AP4E1: variants seen among roughly 807,000 people sequenced by gnomAD.
AP4E1 encodes adaptor related protein complex 4 subunit epsilon 1, also known as AP-4 complex subunit epsilon-1.
A neutral mutation model predicts 128.2 loss-of-function variants in AP4E1; 56 were observed. The ratio of observed to expected loss-of-function variants is 0.44; its 90% CI spans 0.35 to 0.55. The LOEUF (loss-of-function observed/expected upper bound fraction) is 0.55, where lower values mean the gene tolerates loss of function less well. Among genes scored for constraint, AP4E1 ranks in the 20% least tolerant of loss-of-function variants. The pLI is 0.00. For synonymous variants in AP4E1, 484 were observed against 473.1 expected (o/e 1.02, Z -0.30); for missense variants, 1,324 against 1,307.7 (o/e 1.01, Z -0.19).
chr15:50,928,939 C>T, intron 5 of AP4E1, 70 bp from the exon 6 acceptor site: 1 of 1,450,382 alleles, frequency 6.9e-7, no homozygotes, highest in Non-Finnish European at 9.6e-7. Flanking sequence ...AATCATCTGG[C>T]CTATAATCTT....
chr15:50,949,728 C>T (rs1250474938), intron 11 of AP4E1, 98 bp from the exon 12 acceptor site: 1 of 929,362 alleles, frequency 1.1e-6, no homozygotes, highest in Non-Finnish European at 1.7e-6. Flanking sequence ...AACTGCCATA[C>T]TAGGATGAAT....
intron 15 of AP4E1, among the ~76,000 whole-genome samples, chr15:50,981,249 T>G (rs1431142426): frequency 6.6e-6 from 1 of 152,206 alleles, no homozygotes; most frequent in African/African-American, 2.4e-5. Flanking sequence ...GCCTTGAGTG[T>G]CCAACTCCTG....
chr15:50,969,046 G>A (rs2064439028), intron 15 of AP4E1, among the ~76,000 whole-genome samples: 1 of 151,070 alleles, frequency 6.6e-6, no homozygotes, highest in Non-Finnish European at 1.5e-5. Flanking sequence ...GGGTACAAGT[G>A]CAGGTTTGTT....
chr15:50,961,135 A>G (rs578143559), intron 14 of AP4E1, among the ~76,000 whole-genome samples: 2 of 152,058 alleles, frequency 1.3e-5, no homozygotes, highest in Non-Finnish European at 2.9e-5. Flanking sequence ...CCAACAGAGA[A>G]AAGCTTACAA....
rs1060504800 is a variant in AP4E1 at position 50,915,516 on chromosome 15, C to T, written c.291C>T (p.Gly97=). ...CEMLGYDASF[G]YIHAIKLAQQ... ...TGCTTGGATATGATGCTTCCTTTGGCTATATTCATGCAATCAAGTTAGCCC... is the reference window on the plus strand; with the variant it reads ...TGCTTGGATATGATGCTTCCTTTGGTTATATTCATGCAATCAAGTTAGCCC... Residue 97 remains glycine, a synonymous_variant, in exon 3 of 21, where the codon GGC becomes GGT. Coordinates refer to ENST00000261842, the MANE Select transcript of AP4E1 (RefSeq NM_007347.5). 1 of 1,613,546 alleles carries T rather than the reference C, an allele frequency of 6.2e-7. No individual in the cohort carries two copies.
chr15:50,908,933 G>A lies in AP4E1; in HGVS notation c.150+5G>A. The A allele has an allele frequency of 6.2e-7, 1 of 1,610,554 alleles. No homozygotes were observed. The highest frequency in any genetic ancestry group is 8.5e-7 in the Non-Finnish European group (1 of 1,179,412). On this transcript the variant is annotated splice_donor_5th_base_variant and intron_variant, in intron 1 of 20. Coordinates refer to ENST00000261842, the MANE Select transcript of AP4E1 (RefSeq NM_007347.5). ...ACAGCCCTCACCTCCAAGCACGTAG[G>A]TGCCCGCCGGCCCGGGAGCTCAGGG...
chr15:50,923,946 C>G lies in AP4E1; in HGVS notation c.362C>G (p.Ser121Cys), dbSNP rs1201830873. The G allele has an allele frequency of 6.2e-7, 1 of 1,611,810 alleles. No homozygotes were observed. Among genetic ancestry groups the G allele is most frequent in the Admixed American group, 1.7e-5 (1 of 59,980 alleles). ...LEKRVGYLAV[S>C]LFLHESHELL... ...ACTTTTATAGGTTATTTGGCTGTTT[C>G]CTTATTTCTACATGAAAGTCATGAA... The change falls in exon 4 of 21, where the codon TCC becomes TGC. Residue 121 changes from serine (S) to cysteine (C), a missense_variant. Ser to Cys is a moderately radical substitution (Grantham distance 112). Transcript: ENST00000261842.
intron 17 of AP4E1, among the ~76,000 whole-genome samples, chr15:50,996,454 G>A (rs7181201): frequency 0.42 from 63,556 of 151,858 alleles, 13,537 homozygotes; most frequent in East Asian, 0.58. Context: ...TGAATTTGGA[G>A]GTAAGAGACA....
intron 17 of AP4E1, among the ~76,000 whole-genome samples, chr15:50,994,174 T>C (rs1306618573): frequency 6.6e-6 from 1 of 152,208 alleles, no homozygotes; most frequent in Non-Finnish European, 1.5e-5. Context: ...CTGAAAGGAA[T>C]TATACAAAAA....
At chr15:50,930,685 C>G (rs1167775953) in intron 6 of AP4E1, 120 bp from the exon 7 acceptor site, 5 of 1,010,636 alleles carry the variant, frequency 4.9e-6, no homozygotes, top group Non-Finnish European at 7.6e-6. Context: ...AGCACTGTTT[C>G]ATTAAATGTG....
intron 15 of AP4E1, among the ~76,000 whole-genome samples, chr15:50,979,723 C>T (rs1006212703): frequency 1.3e-5 from 2 of 152,104 alleles, no homozygotes; most frequent in African/African-American, 4.8e-5. Context: ...CAGGGTTTCA[C>T]CACAGTGGCC....
At chr15:50,972,949 G>A (rs567029037) in intron 15 of AP4E1, among the ~76,000 whole-genome samples, 8 of 152,256 alleles carry the variant, frequency 5.3e-5, no homozygotes, top group South Asian at 2.1e-4. Flanking sequence ...AGAATTCTTC[G>A]TTCAACAAAA....
At chr15:50,952,080 A>G (rs1376754987) in intron 13 of AP4E1, among the ~76,000 whole-genome samples, 1 of 152,184 alleles carries the variant, frequency 6.6e-6, no homozygotes, top group East Asian at 1.9e-4. Flanking sequence ...CTATAGGTAT[A>G]TCTAGGTCTA....
intron 14 of AP4E1, among the ~76,000 whole-genome samples, chr15:50,964,968 C>T (rs989926707): frequency 1.3e-4 from 20 of 150,696 alleles, no homozygotes; most frequent in Non-Finnish European, 2.4e-4. Context: ...CACACACACA[C>T]ACACACACAC....
upstream of AP4E1, chr15:50,908,559 A>G (rs962712252): frequency 7.9e-6 from 4 of 504,626 alleles, no homozygotes; most frequent in Admixed American, 8.9e-5. Context: ...TACGCGCGCA[A>G]TCTCGAGCGA....
At chr15:50,970,676 GACTTC>G (rs2064466500) in intron 15 of AP4E1, among the ~76,000 whole-genome samples, 1 of 152,062 alleles carries the variant, frequency 6.6e-6, no homozygotes, top group South Asian at 2.1e-4. Context: ...TTAGTATAGT[GACTTC>G]TGCTTACTTT....
intron 1 of AP4E1, among the ~76,000 whole-genome samples, chr15:50,911,225 A>T (rs958000108): frequency 1.3e-5 from 2 of 152,156 alleles, no homozygotes; most frequent in African/African-American, 2.4e-5. Flanking sequence ...TTAGGGAGAT[A>T]ACATACAATG....
intron 8 of AP4E1, among the ~76,000 whole-genome samples, chr15:50,941,084 A>G (rs559601560): frequency 1.3e-5 from 2 of 152,178 alleles, no homozygotes; most frequent in Non-Finnish European, 2.9e-5. Flanking sequence ...TGATGTTTCC[A>G]TTAGAATGTG....
intron 13 of AP4E1, among the ~76,000 whole-genome samples, chr15:50,955,057 G>A (rs1230691666): frequency 6.6e-6 from 1 of 152,204 alleles, no homozygotes; most frequent in Non-Finnish European, 1.5e-5. Context: ...ATTCCATGGT[G>A]TATATGTGCC....
Sources: gnomAD v4.1 joint callset for allele counts (sites outside exome capture counted in the v4.1 genomes callset) on GRCh38, gnomAD v4.1.1 for gene constraint, MANE v1.5 for transcripts, NCBI Gene and HGNC (gene_info 2026-07-23, HGNC 2026-07-21) for gene names.